RAB8A: variants seen among roughly 807,000 people sequenced by gnomAD.
RAB8A encodes the protein RAB8A, member RAS oncogene family.
RAB8A carries 5 observed loss-of-function variants against 29.2 expected under a neutral mutation model. That is an observed-to-expected ratio of 0.17 (90% CI 0.09 to 0.36). The LOEUF is 0.36. Ranked by LOEUF, RAB8A falls within the 10% of genes least tolerant of loss-of-function variation. The pLI is 1.00. For missense variants in RAB8A, 171 were observed against 272.2 expected, an observed-to-expected ratio of 0.63 and a Z score of 2.62; for synonymous variants, 108 against 99.9, an observed-to-expected ratio of 1.08 and a Z score of -0.49.
At position 16,132,165 on chromosome 19, in the gene RAB8A, A is replaced by G; in HGVS notation, c.532-47A>G. ...GGATGGCTGGTTGATTGTGAGACGT[A>G]GTGCTGATTCTCAGTGATAACCTCA... On this transcript the variant is annotated intron_variant, in intron 7 of 7. Coordinates refer to ENST00000300935, the MANE Select transcript of RAB8A (RefSeq NM_005370.5). This position sits in a 1 kb window ranked among gnomAD's most constrained non-coding sequence, Gnocchi z 5.6. 7.1e-7 allele frequency: 1 copy of G among 1,407,152 alleles called. No individual in the cohort carries two copies. Among genetic ancestry groups the G allele is most frequent in the Non-Finnish European group, 1.0e-6 (1 of 991,864 alleles). The allele number at this position is 1,407,152 out of a possible 1,614,324, so 87.2% of individuals were successfully genotyped here.
chr19:16,129,946 T>G (rs2090918073), intron 7 of RAB8A, among the ~76,000 whole-genome samples: 1 of 152,148 alleles, frequency 6.6e-6, no homozygotes, highest in Non-Finnish European at 1.5e-5. Context: ...CTAGGTCGCT[T>G]GGGCAGGGCC....
At chr19:16,117,353 G>A (rs1304410243) in intron 1 of RAB8A, among the ~76,000 whole-genome samples, 1 of 152,092 alleles carries the variant, frequency 6.6e-6, no homozygotes, top group African/African-American at 2.4e-5. Context: ...GCCGGGCATT[G>A]TGGCAGGCAC....
At chr19:16,116,412 T>G (rs1296557434) in intron 1 of RAB8A, among the ~76,000 whole-genome samples, 3 of 152,058 alleles carry the variant, frequency 2.0e-5, no homozygotes, top group Non-Finnish European at 4.4e-5. Context: ...CTTTATGAGA[T>G]AGAATTCGCA....
At position 16,133,554 on chromosome 19, in the gene RAB8A, C is replaced by T. The variant is rs377246598; in HGVS notation, c.*1250C>T. 2.6e-5 allele frequency: 4 copies of T among 152,552 alleles called. No individual in the cohort carries two copies. The highest frequency in any genetic ancestry group is 1.9e-4 in the East Asian group (1 of 5,180). The allele number at this position is 152,552 out of a possible 1,614,324, so 9.4% of individuals were successfully genotyped here. On this transcript the variant is annotated 3_prime_UTR_variant, in exon 8 of 8. Transcript: ENST00000300935. ...CATATCAGCAATAGTCTGCTCTCCC[C>T]GGGAATCTCTAACATGCTCTGTTTA...
At position 16,127,642 on chromosome 19, in the gene RAB8A, G is replaced by A. The variant is rs2090907899; in HGVS notation, c.414+116G>A. On this transcript the variant is annotated intron_variant, in intron 5 of 7. Transcript: ENST00000300935. This position sits in a 1 kb window ranked among gnomAD's most constrained non-coding sequence, Gnocchi z 4.8. ...CTGAGACGAGTTGGTCACCCCAGTG[G>A]GGCACGTGCCATGGGATGACAGAAG... The A allele has an allele frequency of 1.2e-6, 1 of 802,440 alleles. No homozygotes were observed. The highest frequency in any genetic ancestry group is 3.0e-5 in the Admixed American group (1 of 33,208). The allele number at this position is 802,440 out of a possible 1,614,324, so 49.7% of individuals were successfully genotyped here.
At chr19:16,129,513 G>T in intron 6 of RAB8A, 41 bp from the exon 7 acceptor site, 9 of 1,604,548 alleles carry the variant, frequency 5.6e-6, no homozygotes, top group Non-Finnish European at 7.7e-6. Flanking sequence ...AGGACTCAGG[G>T]TCCTGCCATC....
At chr19:16,126,575 A>T (rs2090902285) in intron 4 of RAB8A, 1 of 152,306 alleles carries the variant, frequency 6.6e-6, no homozygotes, top group African/African-American at 2.4e-5. Context: ...GACTTGACGA[A>T]GGAGCTGCCT....
intron 3 of RAB8A, chr19:16,124,669 A>C (rs1329561360): frequency 6.6e-6 from 1 of 151,784 alleles, no homozygotes; most frequent in Non-Finnish European, 1.5e-5. Context: ...AGGCCCAGGG[A>C]TATTGCTGAG....
intron 1 of RAB8A, among the ~76,000 whole-genome samples, chr19:16,117,752 G>A (rs1324884857): frequency 6.6e-6 from 1 of 152,138 alleles, no homozygotes; most frequent in Non-Finnish European, 1.5e-5. Flanking sequence ...GGGCCAGTGG[G>A]ACACAGACCA....
chr19:16,132,407 C>T lies in RAB8A; in HGVS notation c.*103C>T. On this transcript the variant is annotated 3_prime_UTR_variant, in exon 8 of 8. Transcript: ENST00000300935. The surrounding 1 kb of genome is among the most constrained non-coding windows in gnomAD (Gnocchi z 5.6). ...GCCCTCCCACCTCCAACGCCCCGCC[C>T]ACGCCGCGGCCACCGGGCCCACGGC... 1 of 1,120,312 alleles carries T rather than the reference C, an allele frequency of 8.9e-7. No homozygotes were observed. Among genetic ancestry groups the T allele is most frequent in the Non-Finnish European group, 1.3e-6 (1 of 779,414 alleles). 69.4% of individuals were successfully genotyped at this position (1,120,312 alleles called of 1,614,324 possible).
rs138477189 is a variant in RAB8A, at chr19:16,119,485, G to A, written c.185+1199G>A. 4.7e-3 allele frequency among the ~76,000 whole-genome samples: 715 copies of A among 152,218 alleles called. 4 individuals carry two copies. The highest frequency in any genetic ancestry group is 8.1e-3 in the Non-Finnish European group (551 of 68,010). On this transcript the variant is annotated intron_variant, in intron 2 of 7. Coordinates refer to ENST00000300935, the MANE Select transcript of RAB8A (RefSeq NM_005370.5). ...CTCCCAAAGTGCTGGGATTATAGGC[G>A]TGAGCCACCACGCCCGGCCCTACTG...
Position 16,122,998 on chromosome 19 carries a change from G to T in RAB8A, c.246+1188G>T, listed in dbSNP as rs2090881595. The stretch of plus-strand genomic sequence containing the variant: ...CCTTCCACCCTGCCCTGACCACCAA[G>T]CCCTCCCCTGCACCAGGCAGTGGGC... On this transcript the variant is annotated intron_variant, in intron 3 of 7. Transcript: ENST00000300935. The surrounding 1 kb of genome is among the most constrained non-coding windows in gnomAD (Gnocchi z 4.7). Among the ~76,000 whole-genome samples, 1 of 152,182 alleles carries T rather than the reference G, an allele frequency of 6.6e-6. No homozygotes were observed.
At chr19:16,116,426 A>G (rs2090845914) in intron 1 of RAB8A, among the ~76,000 whole-genome samples, 1 of 152,252 alleles carries the variant, frequency 6.6e-6, no homozygotes, top group South Asian at 2.1e-4. Context: ...ATTCGCATAC[A>G]GTTCACCCAT....
At chr19:16,117,953 G>A (rs972635529) in intron 1 of RAB8A, among the ~76,000 whole-genome samples, 1 of 152,166 alleles carries the variant, frequency 6.6e-6, no homozygotes, top group Non-Finnish European at 1.5e-5. Context: ...CTGGGGTGGG[G>A]AGGCGGGTTC....
At chr19:16,121,875 A>T in intron 3 of RAB8A, 65 bp downstream of exon 3, 1 of 1,466,810 alleles carries the variant, frequency 6.8e-7, no homozygotes, top group Non-Finnish European at 9.5e-7. Context: ...GTCACTGTGC[A>T]TTGGTTACCG....
chr19:16,127,681 G>A lies in RAB8A; in HGVS notation c.414+155G>A, dbSNP rs542935552. 6.0e-4 allele frequency: 378 copies of A among 627,804 alleles called. 1 individual carries two copies. The African/African-American group carries it at 6.1e-3, about 10-fold the overall frequency. The allele number at this position is 627,804 out of a possible 1,614,324, so 38.9% of individuals were successfully genotyped here. ...GGATGACAGAAGCACACACCCAGCC[G>A]GGGCTTCTTGGGTGCACTCTGCGGG... On this transcript the variant is annotated intron_variant, in intron 5 of 7. Coordinates refer to ENST00000300935, the MANE Select transcript of RAB8A (RefSeq NM_005370.5). This position sits in a 1 kb window ranked among gnomAD's most constrained non-coding sequence, Gnocchi z 4.8.
rs2144989801 is a variant in RAB8A at position 16,122,106 on chromosome 19, T to C, written c.246+296T>C. Reference sequence around the variant, plus strand: ...TTCTTCCAGGTGAGCTCAGTGCAGTTAAAGCCGGCATGCCCCGACTTTTAG... The same window carrying C: ...TTCTTCCAGGTGAGCTCAGTGCAGTCAAAGCCGGCATGCCCCGACTTTTAG... On this transcript the variant is annotated intron_variant, in intron 3 of 7. Transcript: ENST00000300935. This position sits in a 1 kb window ranked among gnomAD's most constrained non-coding sequence, Gnocchi z 4.7. 1 of 314,362 alleles carries C rather than the reference T, an allele frequency of 3.2e-6. No individual in the cohort carries two copies. The allele number at this position is 314,362 out of a possible 1,614,324, so 19.5% of individuals were successfully genotyped here.
In RAB8A at chr19:16,119,744, G is replaced by A. The variant is rs897043471; in HGVS notation, c.185+1458G>A. The stretch of plus-strand genomic sequence containing the variant: ...CTTCCTGCTTCTGCTCTTAGCAATC[G>A]TGGTGAGGTTAGTGACTCAAAACTC... On this transcript the variant is annotated intron_variant, in intron 2 of 7. Transcript: ENST00000300935. 2.6e-5 allele frequency among the ~76,000 whole-genome samples: 4 copies of A among 151,930 alleles called. No homozygotes were observed. In the East Asian group the frequency reaches 5.8e-4, roughly 22 times the overall value.
intron 2 of RAB8A, among the ~76,000 whole-genome samples, chr19:16,120,864 G>T (rs1599396321): frequency 6.6e-6 from 1 of 151,788 alleles, no homozygotes. Flanking sequence ...ACCCGCCTCG[G>T]CCTCTTAAAG....
Sources: allele counts gnomAD v4.1 joint callset (sites outside exome capture counted in the v4.1 genomes callset), GRCh38; gene constraint gnomAD v4.1.1; non-coding constraint Gnocchi (gnomAD v3.1); transcripts MANE v1.5; gene names NCBI Gene and HGNC (gene_info 2026-07-23, HGNC 2026-07-21).